SGSM3: variants seen among roughly 807,000 people sequenced by gnomAD.
The protein encoded by SGSM3 is RUN and SH3 containing 3.
Under a neutral mutation model 100.5 loss-of-function variants are expected in SGSM3, and 96 were observed. The ratio of observed to expected loss-of-function variants is 0.96; its 90% CI spans 0.81 to 1.13. SGSM3 has a LOEUF of 1.13. SGSM3 is among the 50% of genes most tolerant of loss of function. SGSM3 has a pLI of 0.00. For missense variants in SGSM3, 1,001 were observed against 1,015.8 expected, an observed-to-expected ratio of 0.99 and a Z score of 0.20; for synonymous variants, 483 against 422.8, an observed-to-expected ratio of 1.14 and a Z score of -1.75.
rs1400806964 is a variant in SGSM3, at chr22:40,409,849, C to T, written c.*90C>T. The T allele has an allele frequency of 6.6e-7, 1 of 1,518,698 alleles. No individual in the cohort carries two copies. Among genetic ancestry groups the T allele is most frequent in the Non-Finnish European group, 8.8e-7 (1 of 1,141,350 alleles). 94.1% of individuals were successfully genotyped at this position (1,518,698 alleles called of 1,614,324 possible). A position where few individuals can be genotyped will look rare whatever the true frequency, so the allele number is the denominator to read the frequency against. ...GCCCAGGGAAGAGCAGCTCCAGAGC[C>T]CTGGCCGGGGCCGCGGGATATCAAT... On this transcript the variant is annotated 3_prime_UTR_variant, in exon 22 of 22. Transcript: ENST00000248929.
At position 40,405,372 on chromosome 22, in the gene SGSM3, G is replaced by T. The variant is rs946675529; in HGVS notation, c.618+88G>T. The T allele has an allele frequency of 1.3e-5, 16 of 1,267,690 alleles. No homozygotes were observed. In the African/African-American group the frequency reaches 2.4e-4, roughly 19 times the overall value. 78.5% of individuals were successfully genotyped at this position (1,267,690 alleles called of 1,614,324 possible). On this transcript the variant is annotated intron_variant, in intron 7 of 21. Transcript: ENST00000248929. ...AGTGGCCTCCCGCTACGGGGCAGTA[G>T]CCCCAGGGCCTCCTCCAGGACCCCT... is the stretch of plus-strand genomic sequence containing the variant.
At position 40,407,366 on chromosome 22, in the gene SGSM3, C is replaced by T; in HGVS notation, c.1368+38C>T. ...CTCCCTGGGCTGCTACCAAACACGG[C>T]CCTAACTCCTCCAACCCCCTTGGTG... On this transcript the variant is annotated intron_variant, in intron 12 of 21. Transcript: ENST00000248929. The surrounding 1 kb of genome is among the most constrained non-coding windows in gnomAD (Gnocchi z 4.7). 1 of 1,612,594 alleles carries T rather than the reference C, an allele frequency of 6.2e-7. No homozygotes were observed. Among genetic ancestry groups the T allele is most frequent in the Non-Finnish European group, 8.5e-7 (1 of 1,179,322 alleles).
rs573485973 is a variant in SGSM3, at chr22:40,371,945, C to A, written c.-112+1257C>A. On this transcript the variant is annotated intron_variant, in intron 1 of 21. Transcript: ENST00000248929. ...AACTCCTGACCACAGGTGATCCGCC[C>A]GTCTCGGGCCTCCCAAAGTGCTGGG... Among the ~76,000 whole-genome samples, 5 of 152,204 alleles carry A rather than the reference C, an allele frequency of 3.3e-5. No homozygotes were observed. In the South Asian group the frequency reaches 1.0e-3, roughly 32 times the overall value.
intron 1 of SGSM3, among the ~76,000 whole-genome samples, chr22:40,399,277 C>T (rs1601996812): frequency 6.6e-6 from 1 of 152,062 alleles, no homozygotes; most frequent in African/African-American, 2.4e-5. Context: ...TGAGCCACCG[C>T]GCCCAGCCAA....
rs993174900 is a variant in SGSM3 at position 40,405,305 on chromosome 22, G to T, written c.618+21G>T. ...GCATGGTGAGCACAGCCCCAGAAAG[G>T]GCAGTGGCAGCCCCAGGACCCCCTC... On this transcript the variant is annotated intron_variant, in intron 7 of 21. Coordinates refer to ENST00000248929, the MANE Select transcript of SGSM3 (RefSeq NM_015705.6). 5 of 1,467,234 alleles carry T rather than the reference G, an allele frequency of 3.4e-6. No individual in the cohort carries two copies. The African/African-American group carries it at 7.2e-5, about 21-fold the overall frequency. The allele number at this position is 1,467,234 out of a possible 1,614,324, so 90.9% of individuals were successfully genotyped here. A position where few individuals can be genotyped will look rare whatever the true frequency, so the allele number is the denominator to read the frequency against.
intron 1 of SGSM3, among the ~76,000 whole-genome samples, chr22:40,379,157 G>T (rs1057150655): frequency 6.6e-6 from 1 of 152,184 alleles, no homozygotes; most frequent in African/African-American, 2.4e-5. Context: ...CCTCTAGAAT[G>T]CTGGGACTTT....
chr22:40,408,649 G>C lies in SGSM3; in HGVS notation c.1805G>C (p.Arg602Thr), dbSNP rs776123242. The C allele has an allele frequency of 1.8e-5, 29 of 1,613,916 alleles. No individual in the cohort carries two copies. The African/African-American group carries it at 2.5e-4, about 14-fold the overall frequency. ...IEEAAGREVE[R>T]DFASVYSRLV... ...CAGGCTGCAGGCCGGGAGGTCGAGAGAGACTTTGCCTCCGTGTATTCCCGT... is the reference window on the plus strand; with the variant it reads ...CAGGCTGCAGGCCGGGAGGTCGAGACAGACTTTGCCTCCGTGTATTCCCGT... The change falls in exon 17 of 22, where the codon AGA becomes ACA. Residue 602 changes from arginine to threonine, a missense_variant. Transcript: ENST00000248929.
In SGSM3 at chr22:40,405,635, T is replaced by C. The variant is rs777400375; in HGVS notation, c.619-14T>C. 3 of 1,609,070 alleles carry C rather than the reference T, an allele frequency of 1.9e-6. No homozygotes were observed. Among genetic ancestry groups the C allele is most frequent in the Non-Finnish European group, 2.5e-6 (3 of 1,177,334 alleles). ...GACCTGGGTAGAAGGCCCTTGTCCC[T>C]GTGCCCTGGCCAGGTGGCCGCCTGC... On this transcript the variant is annotated splice_polypyrimidine_tract_variant and intron_variant, in intron 7 of 21. Coordinates refer to ENST00000248929, the MANE Select transcript of SGSM3 (RefSeq NM_015705.6).
rs369811946 is a variant in SGSM3, at chr22:40,407,851, C to G, written c.1579+8C>G. On this transcript the variant is annotated splice_region_variant and intron_variant, in intron 14 of 21. Coordinates refer to ENST00000248929, the MANE Select transcript of SGSM3 (RefSeq NM_015705.6). This position sits in a 1 kb window ranked among gnomAD's most constrained non-coding sequence, Gnocchi z 4.7. ...AGCTCAACGGCCTGCGAGGTGGGGT[C>G]CTTGGTCTGCTCTTGAGCTGGGAGA... 6.2e-6 allele frequency: 10 copies of G among 1,609,204 alleles called. No individual in the cohort carries two copies. The South Asian group carries it at 1.0e-4, about 16-fold the overall frequency.
chr22:40,401,769 A>C, intron 3 of SGSM3, 94 bp downstream of exon 3: 1 of 1,022,818 alleles, frequency 9.8e-7, no homozygotes, highest in South Asian at 1.3e-5. Context: ...GAGGTGGCCA[A>C]CTCACACAGG....
At chr22:40,373,321 C>T (rs907847863) in intron 1 of SGSM3, 2 of 152,150 alleles carry the variant, frequency 1.3e-5, no homozygotes, top group African/African-American at 4.8e-5. Context: ...AAATTACTAC[C>T]ATTTCTCCTG....
chr22:40,372,220 G>A (rs1434295685), intron 1 of SGSM3, among the ~76,000 whole-genome samples: 1 of 143,566 alleles, frequency 7.0e-6, no homozygotes, highest in East Asian at 2.2e-4. Context: ...TCTGCCTCCC[G>A]GGTTCACGCC....
intron 1 of SGSM3, among the ~76,000 whole-genome samples, chr22:40,373,147 A>G (rs1383275143): frequency 2.0e-5 from 3 of 152,174 alleles, no homozygotes; most frequent in Non-Finnish European, 4.4e-5. Flanking sequence ...CTTACCAGAC[A>G]CTAGTTGTCA....
Position 40,409,467 on chromosome 22 carries a change from T to C in SGSM3, c.2114T>C (p.Val705Ala), listed in dbSNP as rs1393043308. The C allele has an allele frequency of 4.0e-5, 63 of 1,578,814 alleles. No individual in the cohort carries two copies. The highest frequency in any genetic ancestry group is 5.4e-5 in the Non-Finnish European group (63 of 1,162,390). The part of the protein sequence containing the change: ...GWVQIKCELR[V>A]LCCFAFSLSQ... ...TACCACCCCTTCCTCACCTCTAGAGTCCTCTGCTGCTTTGCCTTCAGCCTC... is the reference window on the plus strand; with the variant it reads ...TACCACCCCTTCCTCACCTCTAGAGCCCTCTGCTGCTTTGCCTTCAGCCTC... The change falls in exon 21 of 22, where the codon GTC becomes GCC. Residue 705 changes from valine to alanine, a missense_variant and splice_region_variant. Transcript: ENST00000248929.
chr22:40,395,082 G>C (rs2049875530), intron 1 of SGSM3, among the ~76,000 whole-genome samples: 1 of 152,092 alleles, frequency 6.6e-6, no homozygotes, highest in South Asian at 2.1e-4. Context: ...AGAAATTGCA[G>C]GTTCATGAAA....
intron 1 of SGSM3, among the ~76,000 whole-genome samples, chr22:40,382,706 T>C (rs2047765202): frequency 1.3e-5 from 2 of 152,242 alleles, no homozygotes; most frequent in African/African-American, 4.8e-5. Flanking sequence ...GGGAGAAGTT[T>C]CGTCACATTT....
chr22:40,405,768 T>C lies in SGSM3; in HGVS notation c.738T>C (p.Thr246=), dbSNP rs1162803579. 5 of 1,613,744 alleles carry C rather than the reference T, an allele frequency of 3.1e-6. No homozygotes were observed. Among genetic ancestry groups the C allele is most frequent in the Admixed American group, 1.7e-5 (1 of 60,016 alleles). Residue 246 remains threonine (T), a synonymous_variant, in exon 8 of 22, where the codon ACT becomes ACC. Transcript: ENST00000248929. ...GCACCACCCTGCTGGGTGTCCAGACTGACCAGCGGGTCCTGCGCCACCTCA... is the reference window on the plus strand; with the variant it reads ...GCACCACCCTGCTGGGTGTCCAGACCGACCAGCGGGTCCTGCGCCACCTCA... ...YFSTTLLGVQ[T]DQRVLRHLIV...
chr22:40,393,360 C>T (rs972492539), intron 1 of SGSM3, among the ~76,000 whole-genome samples: 2 of 152,208 alleles, frequency 1.3e-5, no homozygotes, highest in Non-Finnish European at 1.5e-5. Flanking sequence ...TCAGGTGATC[C>T]GCCTGCCTTG....
rs558899778 is a variant in SGSM3, at chr22:40,398,685, T to G, written c.-111-2011T>G. Among the ~76,000 whole-genome samples, 3 of 141,160 alleles carry G rather than the reference T, an allele frequency of 2.1e-5. No homozygotes were observed. The South Asian group carries it at 6.6e-4, about 31-fold the overall frequency. 92.6% of individuals were successfully genotyped at this position (141,160 alleles called of 152,430 possible). On this transcript the variant is annotated intron_variant, in intron 1 of 21. Transcript: ENST00000248929. ...GGCAATTTAATATGGTTCAACATAG[T>G]TTTTAGTATACCTCAATGAGGAGGG...
Sources: gnomAD v4.1 joint callset for allele counts (sites outside exome capture counted in the v4.1 genomes callset) on GRCh38, gnomAD v4.1.1 for gene constraint, Gnocchi (gnomAD v3.1) non-coding constraint, MANE v1.5 for transcripts, NCBI Gene and HGNC (gene_info 2026-07-23, HGNC 2026-07-21) for gene names.